The following MSRA variants were observed in gnomAD, a reference collection of about 807,000 sequenced individuals.
The protein encoded by MSRA is mitochondrial peptide methionine sulfoxide reductase.
In MSRA, 54 loss-of-function variants were observed where a neutral mutation model predicts 31.3. That is an observed-to-expected ratio of 1.73 (90% CI 1.39 to 2.17). MSRA has a LOEUF of 2.17. MSRA is among the 30% of genes most tolerant of loss of function. The pLI is 0.00. For missense variants in MSRA, 507 were observed against 300.9 expected (o/e 1.69, Z -5.07); for synonymous variants, 169 against 116.5 (o/e 1.45, Z -2.90).
chr8:10,424,674 C>T (rs913234010), intron 5 of MSRA, among the ~76,000 whole-genome samples: 4 of 150,316 alleles, frequency 2.7e-5, no homozygotes, highest in African/African-American at 9.8e-5. Flanking sequence ...GAGAAGGGCC[C>T]GGGGTGGGTT....
rs74345422 is a variant in MSRA at position 10,191,372 on chromosome 8, T to G, written c.143-16461T>G. 1.4e-3 allele frequency among the ~76,000 whole-genome samples: 213 copies of G among 152,280 alleles called. 1 individual carries two copies. Among genetic ancestry groups the G allele is most frequent in the African/African-American group, 4.7e-3 (194 of 41,570 alleles). ...TTAGGCCTTTGGCATTAACTTAAAT[T>G]TAGCCTCCCTGGGAATTTTGGAAAA... is the stretch of plus-strand genomic sequence containing the variant. On this transcript the variant is annotated intron_variant, in intron 1 of 5. Transcript: ENST00000317173.
intron 3 of MSRA, among the ~76,000 whole-genome samples, chr8:10,248,975 G>C (rs1010077939): frequency 1.3e-5 from 2 of 152,290 alleles, no homozygotes; most frequent in African/African-American, 2.4e-5. Flanking sequence ...GGATTTCAGA[G>C]TAACCTAGTG....
At chr8:10,151,599 C>G (rs1253047226) in intron 1 of MSRA, among the ~76,000 whole-genome samples, 1 of 150,930 alleles carries the variant, frequency 6.6e-6, no homozygotes, top group Non-Finnish European at 1.5e-5. Flanking sequence ...GCAGTGAGCC[C>G]AGATCGCGCC....
chr8:10,308,130 G>C (rs939404086), intron 4 of MSRA, among the ~76,000 whole-genome samples: 1 of 152,152 alleles, frequency 6.6e-6, no homozygotes, highest in Non-Finnish European at 1.5e-5. Flanking sequence ...TCCCAGGCTG[G>C]ATCTTTAGGC....
chr8:10,159,583 C>G (rs781713756), intron 1 of MSRA, among the ~76,000 whole-genome samples: 2 of 152,162 alleles, frequency 1.3e-5, no homozygotes, highest in African/African-American at 2.4e-5. Context: ...ATTTCCTTCA[C>G]TTTATTGAAA....
At chr8:10,089,446 T>C (rs1301462045) in intron 1 of MSRA, among the ~76,000 whole-genome samples, 1 of 152,158 alleles carries the variant, frequency 6.6e-6, no homozygotes, top group Non-Finnish European at 1.5e-5. Flanking sequence ...GGAAAATGCC[T>C]CATATTTGTG....
At chr8:10,110,274 T>C (rs1244774389) in intron 1 of MSRA, among the ~76,000 whole-genome samples, 2 of 152,206 alleles carry the variant, frequency 1.3e-5, no homozygotes, top group Admixed American at 1.3e-4. Flanking sequence ...TGGAGCAGGT[T>C]TTCTTTGGTG....
intron 1 of MSRA, among the ~76,000 whole-genome samples, chr8:10,185,346 G>A (rs1806936983): frequency 6.6e-6 from 1 of 152,150 alleles, no homozygotes; most frequent in Non-Finnish European, 1.5e-5. Flanking sequence ...ACCAGCTGTG[G>A]ATCTAGGGTT....
Position 10,188,810 on chromosome 8 carries a change from G to C in MSRA, c.143-19023G>C, listed in dbSNP as rs555109213. Reference sequence around the variant, plus strand: ...CAGTAAGTCCTGAAATCAGGTAGTGGAAGTATTCCAACTGATAGTTCCAAA... The same window carrying C: ...CAGTAAGTCCTGAAATCAGGTAGTGCAAGTATTCCAACTGATAGTTCCAAA... On this transcript the variant is annotated intron_variant, in intron 1 of 5. Coordinates refer to ENST00000317173, the MANE Select transcript of MSRA (RefSeq NM_012331.5). Among the ~76,000 whole-genome samples, 10 of 152,336 alleles carry C rather than the reference G, an allele frequency of 6.6e-5. No homozygotes were observed. In the South Asian group the frequency reaches 2.1e-3, roughly 32 times the overall value.
At chr8:10,063,291 C>A (rs2128913649) in intron 1 of MSRA, among the ~76,000 whole-genome samples, 1 of 152,310 alleles carries the variant, frequency 6.6e-6, no homozygotes, top group Middle Eastern at 3.4e-3. Context: ...TGTCTTCACT[C>A]TCCCCTGCCT....
intron 5 of MSRA, among the ~76,000 whole-genome samples, chr8:10,355,769 G>A (rs1346430097): frequency 6.6e-6 from 1 of 152,140 alleles, no homozygotes; most frequent in Admixed American, 6.5e-5. Flanking sequence ...GTGGTGGCCA[G>A]GGGTCTAGCC....
chr8:10,174,357 G>C (rs748063510), intron 1 of MSRA, among the ~76,000 whole-genome samples: 41 of 152,212 alleles, frequency 2.7e-4, no homozygotes, highest in Non-Finnish European at 4.9e-4. Flanking sequence ...GCATGGCTAG[G>C]GGTGGACTCG....
intron 1 of MSRA, among the ~76,000 whole-genome samples, chr8:10,166,287 G>C (rs1476863505): frequency 6.6e-6 from 1 of 152,140 alleles, no homozygotes; most frequent in Non-Finnish European, 1.5e-5. Context: ...TTATCTGTAA[G>C]GTTGAAATGT....
intron 1 of MSRA, among the ~76,000 whole-genome samples, chr8:10,089,252 C>G (rs917212649): frequency 6.6e-6 from 1 of 152,128 alleles, no homozygotes; most frequent in East Asian, 1.9e-4. Flanking sequence ...CGTTGTCAAA[C>G]TCAAAAATAC....
At chr8:10,078,990 G>T (rs969108827) in intron 1 of MSRA, among the ~76,000 whole-genome samples, 1 of 152,164 alleles carries the variant, frequency 6.6e-6, no homozygotes, top group African/African-American at 2.4e-5. Context: ...AGGGCCGCAG[G>T]CGTGCTGGAC....
intron 1 of MSRA, among the ~76,000 whole-genome samples, chr8:10,075,279 G>A (rs1172114302): frequency 6.6e-6 from 1 of 152,126 alleles, no homozygotes; most frequent in Admixed American, 6.5e-5. Flanking sequence ...CTTATATTCT[G>A]TAGTATCGTA....
intron 5 of MSRA, among the ~76,000 whole-genome samples, chr8:10,354,284 C>T (rs904298995): frequency 5.9e-5 from 9 of 152,156 alleles, no homozygotes; most frequent in African/African-American, 2.2e-4. Context: ...GCATCTGCTA[C>T]AGCCTGGATC....
chr8:10,156,855 T>G (rs571088637), intron 1 of MSRA, among the ~76,000 whole-genome samples: 1 of 151,224 alleles, frequency 6.6e-6, no homozygotes, highest in African/African-American at 2.4e-5. Flanking sequence ...TTGGATTCTT[T>G]ACTTAGTCAA....
At chr8:10,155,615 A>G (rs1178762296) in intron 1 of MSRA, among the ~76,000 whole-genome samples, 1 of 152,166 alleles carries the variant, frequency 6.6e-6, no homozygotes, top group African/African-American at 2.4e-5. Flanking sequence ...GAGATCCTTT[A>G]TTGCACCAAA....
Sources: allele counts gnomAD v4.1 joint callset (sites outside exome capture counted in the v4.1 genomes callset), GRCh38; gene constraint gnomAD v4.1.1; transcripts MANE v1.5; gene names NCBI Gene and HGNC (gene_info 2026-07-23, HGNC 2026-07-21).